Variants in OPCML observed in about 807,000 individuals in gnomAD.
OPCML encodes opioid binding protein/cell adhesion molecule like.
OPCML carries 13 observed loss-of-function variants against 37.8 expected under a neutral mutation model. The ratio of observed to expected loss-of-function variants is 0.34; its 90% CI spans 0.22 to 0.55. The LOEUF (loss-of-function observed/expected upper bound fraction) is 0.55, where lower values mean the gene tolerates loss of function less well. OPCML is among the 20% of genes least tolerant of loss of function. The pLI is 0.91. For missense variants in OPCML, 341 were observed against 435.6 expected, an observed-to-expected ratio of 0.78 and a Z score of 1.93; for synonymous variants, 176 against 168.8, an observed-to-expected ratio of 1.04 and a Z score of -0.33.
At chr11:132,638,186 T>TCTATATATATATATATAC (rs1555167945) in intron 3 of OPCML, among the ~76,000 whole-genome samples, 1 of 131,020 alleles carries the variant, frequency 7.6e-6, no homozygotes, top group Non-Finnish European at 1.6e-5. Flanking sequence ...TATATATATA[T>TCTATATATATATATATAC]ACAGAGAGAG....
rs147380031 is a variant in OPCML at position 132,651,225 on chromosome 11, G to C, written c.379+5862C>G. 2.8e-3 allele frequency among the ~76,000 whole-genome samples: 428 copies of C among 152,264 alleles called. 1 individual carries two copies. The highest frequency in any genetic ancestry group is 0.014 in the Middle Eastern group (4 of 294). On this transcript the variant is annotated intron_variant, in intron 3 of 7. Coordinates refer to ENST00000524381, the MANE Select transcript of OPCML (RefSeq NM_001012393.5). Reference sequence around the variant, plus strand: ...CAGTGGTGTGTTGAACACTCTGGTGGCTACAGAGTAAATATACCCGGTCTT... The same window carrying C: ...CAGTGGTGTGTTGAACACTCTGGTGCCTACAGAGTAAATATACCCGGTCTT...
chr11:133,447,290 C>A (rs567736512), intron 1 of OPCML, among the ~76,000 whole-genome samples: 1 of 152,184 alleles, frequency 6.6e-6, no homozygotes, highest in Admixed American at 6.6e-5. Flanking sequence ...TGTTAAGCAT[C>A]TTTACATGTG....
chr11:132,439,729 G>A (rs536798210), intron 4 of OPCML, among the ~76,000 whole-genome samples: 11 of 149,818 alleles, frequency 7.3e-5, no homozygotes, highest in Middle Eastern at 3.5e-3. Context: ...AGAAATAAAT[G>A]TGGTAGAATG....
intron 1 of OPCML, among the ~76,000 whole-genome samples, chr11:133,306,126 C>G (rs1308464473): frequency 6.6e-6 from 1 of 152,148 alleles, no homozygotes; most frequent in Admixed American, 6.6e-5. Context: ...ATTCACAGCC[C>G]TAACTGGCAT....
chr11:133,387,087 A>C (rs1278205864), intron 1 of OPCML, among the ~76,000 whole-genome samples: 6 of 152,228 alleles, frequency 3.9e-5, no homozygotes, highest in Admixed American at 3.3e-4. Context: ...TAGCCTGTAC[A>C]AATGTTCCTC....
intron 1 of OPCML, among the ~76,000 whole-genome samples, chr11:133,443,323 T>C (rs1946402734): frequency 6.6e-6 from 1 of 152,220 alleles, no homozygotes; most frequent in South Asian, 2.1e-4. Context: ...TTATGTATCA[T>C]GCCAAGTCAT....
intron 1 of OPCML, among the ~76,000 whole-genome samples, chr11:133,125,705 T>G (rs1322280772): frequency 3.5e-5 from 1 of 28,760 alleles, no homozygotes; most frequent in Non-Finnish European, 7.9e-5. Flanking sequence ...AGTATATATA[T>G]AGTGTATATA....
At chr11:132,852,450 C>G (rs1941851886) in intron 2 of OPCML, among the ~76,000 whole-genome samples, 1 of 152,064 alleles carries the variant, frequency 6.6e-6, no homozygotes, top group African/African-American at 2.4e-5. Context: ...CAGAATAATC[C>G]TAAGACATTA....
intron 2 of OPCML, among the ~76,000 whole-genome samples, chr11:132,712,604 C>T (rs1022339654): frequency 1.3e-5 from 2 of 152,196 alleles, no homozygotes; most frequent in African/African-American, 4.8e-5. Flanking sequence ...GGCTGTATTG[C>T]CAGCTCCGCG....
intron 1 of OPCML, among the ~76,000 whole-genome samples, chr11:133,486,019 A>G (rs1018214757): frequency 1.3e-5 from 2 of 152,204 alleles, no homozygotes; most frequent in Non-Finnish European, 2.9e-5. Flanking sequence ...TACAGAGAAA[A>G]TATGTGTGTT....
intron 1 of OPCML, among the ~76,000 whole-genome samples, chr11:133,464,069 C>T (rs1946921777): frequency 6.6e-6 from 1 of 152,002 alleles, no homozygotes; most frequent in South Asian, 2.1e-4. Flanking sequence ...TAGATCCCAA[C>T]AGATAAGAGG....
intron 1 of OPCML, among the ~76,000 whole-genome samples, chr11:133,256,926 G>C (rs1448170259): frequency 6.6e-6 from 1 of 152,158 alleles, no homozygotes; most frequent in Non-Finnish European, 1.5e-5. Flanking sequence ...CTATCCAGTG[G>C]TGGGCTGGTA....
chr11:133,487,587 A>C (rs534347013), intron 1 of OPCML, among the ~76,000 whole-genome samples: 2 of 152,036 alleles, frequency 1.3e-5, no homozygotes, highest in Non-Finnish European at 2.9e-5. Context: ...TCTTTTATTC[A>C]TCTGCTTATC....
chr11:133,232,950 CA>C (rs1042603635), intron 1 of OPCML, among the ~76,000 whole-genome samples: 1 of 152,154 alleles, frequency 6.6e-6, no homozygotes, highest in East Asian at 1.9e-4. Context: ...GGGATGGCAT[CA>C]GGGGTGCTGT....
intron 4 of OPCML, among the ~76,000 whole-genome samples, chr11:132,445,851 C>T (rs946525541): frequency 6.6e-6 from 1 of 152,148 alleles, no homozygotes; most frequent in African/African-American, 2.4e-5. Flanking sequence ...AGGATGTGCA[C>T]ATCTTACAGT....
intron 2 of OPCML, among the ~76,000 whole-genome samples, chr11:132,868,438 G>A (rs1179231255): frequency 1.3e-5 from 2 of 151,724 alleles, no homozygotes; most frequent in African/African-American, 2.4e-5. Context: ...CCCTGTAGGC[G>A]CCACGTTGTT....
intron 1 of OPCML, among the ~76,000 whole-genome samples, chr11:133,305,171 G>A (rs147663094): frequency 1.2e-3 from 183 of 152,278 alleles, no homozygotes; most frequent in African/African-American, 4.1e-3. Flanking sequence ...TCACAGAGAT[G>A]TTGTGAGTAT....
chr11:132,523,095 T>C (rs762647737), intron 4 of OPCML, among the ~76,000 whole-genome samples: 25 of 152,178 alleles, frequency 1.6e-4, no homozygotes, highest in South Asian at 6.2e-4. Flanking sequence ...GTTGTAGAGA[T>C]GGGGTTTCAC....
intron 3 of OPCML, among the ~76,000 whole-genome samples, chr11:132,572,232 G>A (rs1194209075): frequency 1.3e-5 from 2 of 151,856 alleles, no homozygotes; most frequent in South Asian, 2.1e-4. Flanking sequence ...GCCTGTTTAT[G>A]TGATTGATAG....
Sources: gnomAD v4.1 joint callset for allele counts (sites outside exome capture counted in the v4.1 genomes callset) on GRCh38, gnomAD v4.1.1 for gene constraint, MANE v1.5 for transcripts, NCBI Gene and HGNC (gene_info 2026-07-23, HGNC 2026-07-21) for gene names.